Variants in SLIT3 observed in about 807,000 individuals in gnomAD.
SLIT3 encodes slit homolog 3 protein.
In SLIT3, 68 loss-of-function variants were observed where a neutral mutation model predicts 184.0. The observed-to-expected ratio is 0.37, with a 90% confidence interval of 0.30 to 0.45. The LOEUF is 0.45. Among genes scored for constraint, SLIT3 ranks in the 20% least tolerant of loss-of-function variants. The probability of loss-of-function intolerance (pLI) is 1.00; values close to 1 mark genes in which losing one functional copy is unlikely to be tolerated. For missense variants in SLIT3, 1,707 were observed against 2,026.0 expected (o/e 0.84, Z 3.02); for synonymous variants, 831 against 828.6 (o/e 1.00, Z -0.05).
intron 7 of SLIT3, among the ~76,000 whole-genome samples, chr5:168,821,391 C>T (rs531464496): frequency 2.8e-4 from 43 of 152,334 alleles, no homozygotes; most frequent in African/African-American, 9.6e-4. Context: ...TTCTTCGATG[C>T]AACCCACATG....
At chr5:169,180,083 T>A (rs1327446625) in intron 4 of SLIT3, among the ~76,000 whole-genome samples, 1 of 152,076 alleles carries the variant, frequency 6.6e-6, no homozygotes, top group Non-Finnish European at 1.5e-5. Flanking sequence ...CAGTGACCAA[T>A]GAGGAAGGGG....
In SLIT3 at chr5:168,666,219, T is replaced by C; in HGVS notation, c.*235A>G. ...TTGGTAAAAATAACTCACTATATGG[T>C]ACATATACGCAGATGGTGTAATATA... On this transcript the variant is annotated 3_prime_UTR_variant, in exon 36 of 36. Transcript: ENST00000519560. 1 of 392,672 alleles carries C rather than the reference T, an allele frequency of 2.5e-6. No homozygotes were observed. The highest frequency in any genetic ancestry group is 4.0e-5 in the Admixed American group (1 of 24,702). The allele number at this position is 392,672 out of a possible 1,614,324, so 24.3% of individuals were successfully genotyped here.
chr5:169,237,595 C>T (rs2113565087), intron 3 of SLIT3, among the ~76,000 whole-genome samples: 1 of 152,266 alleles, frequency 6.6e-6, no homozygotes, highest in South Asian at 2.1e-4. Context: ...AAATTTTCAC[C>T]ACTGTAATAG....
chr5:168,862,278 G>A (rs999649345), intron 5 of SLIT3, among the ~76,000 whole-genome samples: 2 of 152,184 alleles, frequency 1.3e-5, no homozygotes, highest in Non-Finnish European at 2.9e-5. Context: ...CTCAGGTGAT[G>A]AGCGCACCAA....
rs1439296508 is a variant in SLIT3 at position 169,178,973 on chromosome 5, AAGG to A, written c.413+14503_413+14505del. On this transcript the variant is annotated intron_variant, in intron 4 of 35. Coordinates refer to ENST00000519560, the MANE Select transcript of SLIT3 (RefSeq NM_003062.4). The stretch of plus-strand genomic sequence containing the variant: ...GATTGAATGATGGTAGGTTTGCAGA[AAGG>A]AGAAGTGACAGGTAGGGGTGCGGGG... Among the ~76,000 whole-genome samples the A allele has an allele frequency of 4.6e-5, 7 of 152,320 alleles. No homozygotes were observed. The East Asian group carries it at 1.3e-3, about 29-fold the overall frequency.
intron 4 of SLIT3, among the ~76,000 whole-genome samples, chr5:169,068,182 G>A (rs1561642196): frequency 6.6e-6 from 1 of 152,036 alleles, no homozygotes. Flanking sequence ...TGCTGTAAGG[G>A]AACTCTCACT....
chr5:168,939,376 G>A (rs1277750852), intron 4 of SLIT3, among the ~76,000 whole-genome samples: 1 of 152,186 alleles, frequency 6.6e-6, no homozygotes, highest in East Asian at 1.9e-4. Context: ...GCTGTCTGGT[G>A]AGCTTAATAG....
intron 4 of SLIT3, among the ~76,000 whole-genome samples, chr5:168,914,820 G>A (rs529693387): frequency 2.0e-5 from 3 of 152,192 alleles, no homozygotes; most frequent in Admixed American, 6.5e-5. Context: ...GGGGAGGGTC[G>A]TTCATAAAAG....
intron 13 of SLIT3, 124 bp downstream of exon 13, chr5:168,774,111 C>A (rs1296797075): frequency 2.1e-5 from 19 of 912,638 alleles, no homozygotes; most frequent in Non-Finnish European, 2.8e-5. Flanking sequence ...TTCTAGCTTC[C>A]CTGCAGGCTC....
intron 4 of SLIT3, among the ~76,000 whole-genome samples, chr5:169,086,255 G>C (rs1759293445): frequency 1.3e-5 from 2 of 152,220 alleles, no homozygotes; most frequent in African/African-American, 4.8e-5. Flanking sequence ...AAGCAGCAAG[G>C]ATCAGAACCC....
At position 168,666,636 on chromosome 5, in the gene SLIT3, A is replaced by C. The variant is rs561758073; in HGVS notation, c.4390T>G (p.Tyr1464Asp). The change falls in exon 36 of 36, where the codon TAT becomes GAT. Residue 1464 changes from tyrosine to aspartate, a missense_variant. Physicochemically the swap from Tyr to Asp is radical, Grantham distance 160. Coordinates refer to ENST00000519560, the MANE Select transcript of SLIT3 (RefSeq NM_003062.4). ...VREVIRRQKGYASCATASKVP... is the reference protein window; with the variant it reads ...VREVIRRQKGDASCATASKVP... The stretch of plus-strand genomic sequence containing the variant: ...TTGGAGGCTGTGGCACATGATGCAT[A>C]ACCTTTCTGGCGGCGGATCACCTCT... 2 of 1,614,184 alleles carry C rather than the reference A, an allele frequency of 1.2e-6. No individual in the cohort carries two copies. The highest frequency in any genetic ancestry group is 2.7e-5 in the African/African-American group (2 of 75,040).
At chr5:169,187,758 T>C (rs1364223781) in intron 4 of SLIT3, among the ~76,000 whole-genome samples, 1 of 151,920 alleles carries the variant, frequency 6.6e-6, no homozygotes, top group African/African-American at 2.4e-5. Flanking sequence ...TTCACCACAT[T>C]GGCCAGGCTT....
At chr5:169,005,249 G>T (rs1204122433) in intron 4 of SLIT3, among the ~76,000 whole-genome samples, 1 of 152,176 alleles carries the variant, frequency 6.6e-6, no homozygotes, top group Non-Finnish European at 1.5e-5. Context: ...CACTTTGTTT[G>T]CAGTGGTCTG....
At chr5:169,065,693 G>A (rs968616790) in intron 4 of SLIT3, among the ~76,000 whole-genome samples, 9 of 152,182 alleles carry the variant, frequency 5.9e-5, no homozygotes, top group East Asian at 1.9e-4. Context: ...GTGGGGCAAC[G>A]AGGGCAAGAT....
chr5:169,228,989 G>A (rs1016374593), intron 3 of SLIT3, among the ~76,000 whole-genome samples: 7 of 152,146 alleles, frequency 4.6e-5, no homozygotes, highest in Non-Finnish European at 8.8e-5. Context: ...ATATACAGAA[G>A]CAGTTCTCTC....
chr5:168,775,173 G>A (rs1755699334), intron 12 of SLIT3, among the ~76,000 whole-genome samples: 1 of 152,040 alleles, frequency 6.6e-6, no homozygotes, highest in African/African-American at 2.4e-5. Context: ...GAGGAGCTGG[G>A]ATTACAGGTG....
At chr5:169,034,161 T>C (rs1228442415) in intron 4 of SLIT3, among the ~76,000 whole-genome samples, 2 of 152,212 alleles carry the variant, frequency 1.3e-5, no homozygotes, top group African/African-American at 4.8e-5. Context: ...TTACCATATA[T>C]ATGGCTTGTA....
At chr5:169,020,434 T>G (rs1467000081) in intron 4 of SLIT3, among the ~76,000 whole-genome samples, 1 of 152,180 alleles carries the variant, frequency 6.6e-6, no homozygotes, top group Admixed American at 6.5e-5. Flanking sequence ...GCAGAGTTCT[T>G]AATGATTACT....
chr5:169,093,678 A>G (rs1253297270), intron 4 of SLIT3, among the ~76,000 whole-genome samples: 1 of 152,164 alleles, frequency 6.6e-6, no homozygotes, highest in Admixed American at 6.5e-5. Context: ...TATTGTTAGA[A>G]TTTATTTGCA....
Sources: allele counts gnomAD v4.1 joint callset (sites outside exome capture counted in the v4.1 genomes callset), GRCh38; gene constraint gnomAD v4.1.1; transcripts MANE v1.5; gene names NCBI Gene and HGNC (gene_info 2026-07-23, HGNC 2026-07-21).